The following ADCY9 variants were observed in gnomAD, a reference collection of about 807,000 sequenced individuals.
ADCY9 encodes the protein adenylate cyclase 9, also known as adenylate cyclase type 9.
A neutral mutation model predicts 101.5 loss-of-function variants in ADCY9; 50 were observed. The ratio of observed to expected loss-of-function variants is 0.49; its 90% CI spans 0.39 to 0.62. ADCY9 has a LOEUF of 0.62. Among genes scored for constraint, ADCY9 ranks in the 20% least tolerant of loss-of-function variants. The pLI, the probability that ADCY9 is intolerant of heterozygous loss-of-function variation, is 0.00. For synonymous variants in ADCY9, 905 were observed against 769.3 expected (o/e 1.18, Z -2.92); for missense variants, 1,662 against 1,800.4 (o/e 0.92, Z 1.39).
intron 5 of ADCY9, among the ~76,000 whole-genome samples, chr16:3,957,157 G>C (rs1374693354): frequency 1.3e-5 from 2 of 152,186 alleles, no homozygotes; most frequent in African/African-American, 4.8e-5. Context: ...AAACCGTTTG[G>C]CTGTAATACC....
At chr16:4,030,494 G>C (rs554149074) in intron 2 of ADCY9, among the ~76,000 whole-genome samples, 2 of 152,220 alleles carry the variant, frequency 1.3e-5, no homozygotes, top group East Asian at 3.9e-4. Flanking sequence ...CTGAGGTCAG[G>C]AGTTTGAGAC....
rs111524203 is a variant in ADCY9 at position 4,018,811 on chromosome 16, C to A, written c.1694-11253G>T. 1.1e-4 allele frequency among the ~76,000 whole-genome samples: 17 copies of A among 152,202 alleles called. 3 individuals are homozygous for A. The highest frequency in any genetic ancestry group is 3.9e-4 in the African/African-American group (16 of 41,538). ...ATGCAGACTTGTTCGAGTCATCTAACGGAGAAACCCAAAAACCTCCATTTT... is the reference window on the plus strand; with the variant it reads ...ATGCAGACTTGTTCGAGTCATCTAAAGGAGAAACCCAAAAACCTCCATTTT... On this transcript the variant is annotated intron_variant, in intron 2 of 10. Coordinates refer to ENST00000294016, the MANE Select transcript of ADCY9 (RefSeq NM_001116.4).
chr16:4,098,806 G>A (rs999256436), intron 2 of ADCY9, among the ~76,000 whole-genome samples: 1 of 152,120 alleles, frequency 6.6e-6, no homozygotes, highest in East Asian at 1.9e-4. Flanking sequence ...CCTAGAGTTG[G>A]GCCTTCTAGA....
At chr16:3,983,074 G>A (rs978264045) in intron 7 of ADCY9, 158 bp downstream of exon 7, 13 of 712,236 alleles carry the variant, frequency 1.8e-5, no homozygotes, top group Non-Finnish European at 2.7e-5. Context: ...GAGGATGCTG[G>A]GGCACAGGGC....
At chr16:3,983,740 C>G (rs565729809) in intron 6 of ADCY9, 1 of 409,088 alleles carries the variant, frequency 2.4e-6, no homozygotes, top group South Asian at 3.4e-5. Flanking sequence ...GCCAGCGTAA[C>G]ACAGTGAGAC....
chr16:4,103,610 A>G (rs896189388), intron 2 of ADCY9, among the ~76,000 whole-genome samples: 1 of 152,184 alleles, frequency 6.6e-6, no homozygotes, highest in African/African-American at 2.4e-5. Flanking sequence ...TAGGGAGATC[A>G]CCTGAGGTCA....
At chr16:3,983,030 T>G in intron 7 of ADCY9, 1 of 594,504 alleles carries the variant, frequency 1.7e-6, no homozygotes, top group Non-Finnish European at 2.9e-6. Context: ...TCCAGCGAGG[T>G]GGTCCCCCCG....
Position 4,114,954 on chromosome 16 carries a change from G to T in ADCY9, c.489C>A (p.Thr163=). The stretch of plus-strand genomic sequence containing the variant: ...AATGCCGGGCGTACAGCTTGGTGAA[G>T]GTAAACAGAAAGAAGCCCACACACA... The part of the protein sequence containing the change: ...LLVCVGFFLF[T]FTKLYARHYA... The change falls in exon 2 of 11, where the codon ACC becomes ACA. Residue 163 remains threonine (T), a synonymous_variant. Coordinates refer to ENST00000294016, the MANE Select transcript of ADCY9 (RefSeq NM_001116.4). This position sits in a 1 kb window ranked among gnomAD's most constrained non-coding sequence, Gnocchi z 4.3. The T allele has an allele frequency of 6.2e-7, 1 of 1,614,002 alleles. No individual in the cohort carries two copies. The highest frequency in any genetic ancestry group is 8.5e-7 in the Non-Finnish European group (1 of 1,180,036).
intron 2 of ADCY9, among the ~76,000 whole-genome samples, chr16:4,009,002 A>T (rs559966345): frequency 6.6e-6 from 1 of 152,256 alleles, no homozygotes; most frequent in Non-Finnish European, 1.5e-5. Context: ...AAAATTAATT[A>T]ATCAGAAACC....
Position 4,114,459 on chromosome 16 carries a change from G to A in ADCY9, c.984C>T (p.Ala328=), listed in dbSNP as rs1332229940. Residue 328 remains alanine, a synonymous_variant, in exon 2 of 11, where the codon GCC becomes GCT. Coordinates refer to ENST00000294016, the MANE Select transcript of ADCY9 (RefSeq NM_001116.4). This position sits in a 1 kb window ranked among gnomAD's most constrained non-coding sequence, Gnocchi z 4.3. ...MHGKDLEVEK[A]LKERMIHSVM... is the part of the protein sequence containing the mutation. Reference sequence around the variant, plus strand: ...CGGAATGAATCATCCTCTCTTTGAGGGCTTTTTCCACTTCCAGGTCCTTCC... The same window carrying A: ...CGGAATGAATCATCCTCTCTTTGAGAGCTTTTTCCACTTCCAGGTCCTTCC... 5 of 1,614,086 alleles carry A rather than the reference G, an allele frequency of 3.1e-6. No individual in the cohort carries two copies. Among genetic ancestry groups the A allele is most frequent in the Non-Finnish European group, 3.4e-6 (4 of 1,180,014 alleles).
In ADCY9 at chr16:3,966,734, T is replaced by C; in HGVS notation, c.3103A>G (p.Ile1035Val). ...TGCTCAGCCACGTGGTAGGGGATGA[T>C]GTTCCTCAGCAGCCAGTCTGCCTGG... ...RDQADWLLRN[I>V]IPYHVAEQLK... Residue 1035 changes from isoleucine to valine, a missense_variant, in exon 11 of 11, where the codon ATC becomes GTC. This residue lies in a region of ADCY9 where 220 missense variants were observed against 312.9 expected (regional missense o/e 0.70). Transcript: ENST00000294016. 1.2e-6 allele frequency: 2 copies of C among 1,614,178 alleles called. No homozygotes were observed. Among genetic ancestry groups the C allele is most frequent in the Non-Finnish European group, 1.7e-6 (2 of 1,180,028 alleles).
At chr16:4,049,593 G>A (rs1597191713) in intron 2 of ADCY9, among the ~76,000 whole-genome samples, 1 of 152,118 alleles carries the variant, frequency 6.6e-6, no homozygotes, top group African/African-American at 2.4e-5. Flanking sequence ...CTGACTACAA[G>A]GCAGAACAAT....
At chr16:4,051,343 G>A (rs926210074) in intron 2 of ADCY9, among the ~76,000 whole-genome samples, 4 of 151,904 alleles carry the variant, frequency 2.6e-5, no homozygotes, top group Non-Finnish European at 4.4e-5. Flanking sequence ...GGTTAACACA[G>A]TGAAACCCCG....
Position 4,018,972 on chromosome 16 carries a change from T to G in ADCY9, c.1694-11414A>C, listed in dbSNP as rs866425038. On this transcript the variant is annotated intron_variant, in intron 2 of 10. Coordinates refer to ENST00000294016, the MANE Select transcript of ADCY9 (RefSeq NM_001116.4). ...GCAGTTGTGTGTGTGTGTGTGTGTT[T>G]TGTTTTGTTTTGTTTTTTTAAGAGA... is the stretch of plus-strand genomic sequence containing the variant. Among the ~76,000 whole-genome samples the G allele has an allele frequency of 4.9e-3, 740 of 149,768 alleles. 4 individuals are homozygous for G. The highest frequency in any genetic ancestry group is 0.011 in the African/African-American group (432 of 40,118).
chr16:4,023,825 G>A (rs1021020170), intron 2 of ADCY9, among the ~76,000 whole-genome samples: 15 of 151,844 alleles, frequency 9.9e-5, no homozygotes, highest in African/African-American at 2.9e-4. Context: ...CACGAGCATC[G>A]CTTGAACCCA....
At position 4,068,816 on chromosome 16, in the gene ADCY9, CAAAA is replaced by C. The variant is rs370717036; in HGVS notation, c.1693+44930_1693+44933del. On this transcript the variant is annotated intron_variant, in intron 2 of 10. Transcript: ENST00000294016. The stretch of plus-strand genomic sequence containing the variant: ...TGAGTGACAAAGCGAGACTCCATCT[CAAAA>C]AAAAAAAAAAACAATTCACGGTGGC... 2.5e-5 allele frequency among the ~76,000 whole-genome samples: 3 copies of C among 119,264 alleles called. No homozygotes were observed. The Admixed American group carries it at 2.6e-4, about 10-fold the overall frequency. 78.2% of individuals were successfully genotyped at this position (119,264 alleles called of 152,430 possible). A position where few individuals can be genotyped will look rare whatever the true frequency, so the allele number is the denominator to read the frequency against.
intron 5 of ADCY9, among the ~76,000 whole-genome samples, chr16:3,990,383 T>C (rs375926181): frequency 2.0e-5 from 3 of 151,858 alleles, no homozygotes; most frequent in Non-Finnish European, 2.9e-5. Context: ...GGAGAATCAC[T>C]TGAACCTGGG....
At chr16:4,007,968 C>T (rs2056378428) in intron 2 of ADCY9, among the ~76,000 whole-genome samples, 1 of 152,138 alleles carries the variant, frequency 6.6e-6, no homozygotes, top group South Asian at 2.1e-4. Flanking sequence ...TCCTAACGGT[C>T]AGTCTAGACG....
intron 2 of ADCY9, among the ~76,000 whole-genome samples, chr16:4,024,150 G>C (rs1384314237): frequency 1.3e-5 from 2 of 151,926 alleles, no homozygotes; most frequent in East Asian, 3.9e-4. Flanking sequence ...AGCCTCCTGA[G>C]TAGCTGGGAT....
Sources: allele counts gnomAD v4.1 joint callset (sites outside exome capture counted in the v4.1 genomes callset), GRCh38; gene constraint gnomAD v4.1.1; regional missense constraint gnomAD v4.1.1; non-coding constraint Gnocchi (gnomAD v3.1); transcripts MANE v1.5; gene names NCBI Gene and HGNC (gene_info 2026-07-23, HGNC 2026-07-21).